The following GPR39 variants were observed in gnomAD, a reference collection of about 807,000 sequenced individuals.
GPR39 encodes the protein zinc sensing receptor.
GPR39 carries 23 observed loss-of-function variants against 18.4 expected under a neutral mutation model. The observed-to-expected ratio is 1.25, with a 90% CI of 0.90 to 1.77. The LOEUF is 1.77. Among genes scored for constraint, GPR39 ranks in the 40% most tolerant of loss-of-function variants. The pLI is 0.00. For synonymous variants in GPR39, 280 were observed against 257.9 expected (o/e 1.09, Z -0.82); for missense variants, 647 against 602.4 (o/e 1.07, Z -0.78).
intron 1 of GPR39, among the ~76,000 whole-genome samples, chr2:132,591,790 T>A (rs1054824576): frequency 3.3e-5 from 5 of 152,126 alleles, no homozygotes; most frequent in African/African-American, 1.2e-4. Context: ...AGTTTCCAGT[T>A]TGGGGAAATT....
chr2:132,613,507 G>T (rs571733240), intron 1 of GPR39, among the ~76,000 whole-genome samples: 5 of 152,306 alleles, frequency 3.3e-5, no homozygotes, highest in Non-Finnish European at 7.3e-5. Context: ...TGTTATCCAA[G>T]GTGATTAAGC....
At chr2:132,589,846 A>G (rs1377107405) in intron 1 of GPR39, among the ~76,000 whole-genome samples, 1 of 152,172 alleles carries the variant, frequency 6.6e-6, no homozygotes, top group Non-Finnish European at 1.5e-5. Flanking sequence ...AGCTGGTTCT[A>G]TCTCAGTGAT....
chr2:132,644,039 G>C (rs1167343677), intron 1 of GPR39, among the ~76,000 whole-genome samples: 1 of 152,168 alleles, frequency 6.6e-6, no homozygotes, highest in Non-Finnish European at 1.5e-5. Context: ...GGGTGTCTTG[G>C]CTCCTTACGA....
chr2:132,423,728 T>C (rs1333675922), intron 1 of GPR39, among the ~76,000 whole-genome samples: 1 of 152,146 alleles, frequency 6.6e-6, no homozygotes, highest in Non-Finnish European at 1.5e-5. Flanking sequence ...AAAACAAGAC[T>C]CACTGTTGTC....
intron 1 of GPR39, chr2:132,488,865 C>A: frequency 6.0e-6 from 1 of 165,888 alleles, no homozygotes; most frequent in Non-Finnish European, 1.3e-5. Context: ...CTTCTTCTCC[C>A]TGCAAGGGAG....
chr2:132,620,690 CCTT>C (rs1259317799), intron 1 of GPR39, among the ~76,000 whole-genome samples: 1 of 152,170 alleles, frequency 6.6e-6, no homozygotes, highest in African/African-American at 2.4e-5. Context: ...CTCTGTTTTC[CCTT>C]CTCTCTCCTT....
At chr2:132,564,810 C>CTTTATTT (rs1184406550) in intron 1 of GPR39, among the ~76,000 whole-genome samples, 1 of 95,456 alleles carries the variant, frequency 1.0e-5, no homozygotes, top group South Asian at 4.4e-4. Flanking sequence ...TTTCTTTTTT[C>CTTTATTT]TTTTTTTTTT....
chr2:132,602,283 G>A (rs1681056904), intron 1 of GPR39, among the ~76,000 whole-genome samples: 1 of 152,034 alleles, frequency 6.6e-6, no homozygotes, highest in Non-Finnish European at 1.5e-5. Context: ...ATACACACTG[G>A]GGAAAGGACA....
intron 1 of GPR39, among the ~76,000 whole-genome samples, chr2:132,457,374 A>C (rs1223035274): frequency 6.6e-6 from 1 of 152,172 alleles, no homozygotes; most frequent in Non-Finnish European, 1.5e-5. Context: ...CGAGTTAACC[A>C]TCGTCTAATC....
intron 1 of GPR39, among the ~76,000 whole-genome samples, chr2:132,576,627 T>C (rs1680531548): frequency 6.6e-6 from 1 of 152,156 alleles, no homozygotes; most frequent in Non-Finnish European, 1.5e-5. Flanking sequence ...CACTTCAGCC[T>C]GGGCAACAGA....
chr2:132,645,669 A>T lies in GPR39; in HGVS notation c.*63A>T. Reference sequence around the variant, plus strand: ...CCAGCCCTAAGAAAACGTCACTCTCACTCTGCAGTCTCAAACTATGCCCCC... The same window carrying T: ...CCAGCCCTAAGAAAACGTCACTCTCTCTCTGCAGTCTCAAACTATGCCCCC... On this transcript the variant is annotated 3_prime_UTR_variant, in exon 2 of 2. Transcript: ENST00000329321. 6.5e-7 allele frequency: 1 copy of T among 1,550,054 alleles called. No homozygotes were observed. Among genetic ancestry groups the T allele is most frequent in the Non-Finnish European group, 8.7e-7 (1 of 1,150,280 alleles).
intron 1 of GPR39, among the ~76,000 whole-genome samples, chr2:132,420,808 C>T (rs1362767511): frequency 6.6e-6 from 1 of 152,118 alleles, no homozygotes; most frequent in African/African-American, 2.4e-5. Context: ...TCAGTCTAGT[C>T]GATGTGCTGG....
At chr2:132,622,620 C>A (rs938703753) in intron 1 of GPR39, among the ~76,000 whole-genome samples, 1 of 152,276 alleles carries the variant, frequency 6.6e-6, no homozygotes, top group African/African-American at 2.4e-5. Context: ...AAGCTGGATA[C>A]CGCGAAGCAG....
chr2:132,480,113 T>G (rs769843595), intron 1 of GPR39, among the ~76,000 whole-genome samples: 1 of 152,204 alleles, frequency 6.6e-6, no homozygotes, highest in African/African-American at 2.4e-5. Flanking sequence ...TACTATAATG[T>G]GGATGAACCT....
intron 1 of GPR39, among the ~76,000 whole-genome samples, chr2:132,615,045 G>A (rs1027568862): frequency 1.3e-5 from 2 of 152,084 alleles, no homozygotes; most frequent in African/African-American, 4.8e-5. Flanking sequence ...GGCTCTGTTC[G>A]TTTGCTGCCT....
chr2:132,443,053 A>G (rs769318385), intron 1 of GPR39, among the ~76,000 whole-genome samples: 18 of 152,198 alleles, frequency 1.2e-4, no homozygotes, highest in Non-Finnish European at 2.1e-4. Context: ...AGTATAGTTA[A>G]TATTTTATGT....
At chr2:132,438,005 C>T (rs1004355278) in intron 1 of GPR39, among the ~76,000 whole-genome samples, 2 of 152,264 alleles carry the variant, frequency 1.3e-5, no homozygotes, top group Non-Finnish European at 2.9e-5. Flanking sequence ...ATTTAGAGGT[C>T]ATGTTGTCAT....
chr2:132,441,640 TCTC>T (rs1001007656), intron 1 of GPR39, among the ~76,000 whole-genome samples: 15 of 152,176 alleles, frequency 9.9e-5, no homozygotes, highest in Non-Finnish European at 1.8e-4. Context: ...TTCTTCCCCT[TCTC>T]TATCACACCG....
intron 1 of GPR39, among the ~76,000 whole-genome samples, chr2:132,536,140 G>T (rs1045883733): frequency 6.6e-6 from 1 of 151,738 alleles, no homozygotes; most frequent in African/African-American, 2.4e-5. Flanking sequence ...CTCTGCTTCT[G>T]TAGTTCTTTT....
Sources: allele counts gnomAD v4.1 joint callset (sites outside exome capture counted in the v4.1 genomes callset), GRCh38; gene constraint gnomAD v4.1.1; transcripts MANE v1.5; gene names NCBI Gene and HGNC (gene_info 2026-07-23, HGNC 2026-07-21).